The following DLG2 variants were observed in gnomAD, a reference collection of about 807,000 sequenced individuals.
DLG2 encodes disks large homolog 2.
In DLG2, 45 loss-of-function variants were observed where a neutral mutation model predicts 132.5. That is an observed-to-expected ratio of 0.34 (90% CI 0.27 to 0.44). The LOEUF (loss-of-function observed/expected upper bound fraction) is 0.44. Ranked by LOEUF, DLG2 falls within the 20% of genes least tolerant of loss-of-function variation. DLG2 has a pLI of 1.00. For synonymous variants in DLG2, 424 were observed against 419.6 expected (o/e 1.01, Z -0.13); for missense variants, 1,045 against 1,196.9 (o/e 0.87, Z 1.87).
At chr11:83,638,988 A>T (rs1047523824) in intron 18 of DLG2, among the ~76,000 whole-genome samples, 1 of 152,200 alleles carries the variant, frequency 6.6e-6, no homozygotes, top group Non-Finnish European at 1.5e-5. Flanking sequence ...GCGACTCAGA[A>T]TGCAAATCTA....
intron 6 of DLG2, among the ~76,000 whole-genome samples, chr11:84,726,435 G>T (rs1041002880): frequency 8.5e-5 from 13 of 152,186 alleles, no homozygotes; most frequent in African/African-American, 3.1e-4. Flanking sequence ...CCCTGCAAAG[G>T]ACATAAAGTC....
intron 6 of DLG2, among the ~76,000 whole-genome samples, chr11:84,752,564 C>CTTTTTT (rs370347853): frequency 1.8e-4 from 23 of 127,390 alleles, no homozygotes; most frequent in South Asian, 2.4e-4. Context: ...TTTTCTTTTT[C>CTTTTTT]TTTTTTTTTT....
chr11:84,320,567 C>A (rs1265097981), intron 7 of DLG2, among the ~76,000 whole-genome samples: 3 of 152,254 alleles, frequency 2.0e-5, no homozygotes, highest in South Asian at 2.1e-4. Context: ...CATCTAATAA[C>A]CTTTGGCCTA....
intron 7 of DLG2, among the ~76,000 whole-genome samples, chr11:84,518,120 C>G (rs1195068090): frequency 2.2e-5 from 2 of 89,994 alleles, no homozygotes; most frequent in African/African-American, 9.0e-5. Context: ...AATAACATGT[C>G]TAACTTCAGT....
chr11:84,479,734 T>C lies in DLG2; in HGVS notation c.519+54836A>G, dbSNP rs1048307747. 2.0e-5 allele frequency among the ~76,000 whole-genome samples: 3 copies of C among 152,142 alleles called. No individual in the cohort carries two copies. In the East Asian group the frequency reaches 5.8e-4, roughly 29 times the overall value. On this transcript the variant is annotated intron_variant, in intron 7 of 27. Coordinates refer to ENST00000376104, the MANE Select transcript of DLG2 (RefSeq NM_001142699.3). ...AAAAATATATTTTTAATTGATGCCA[T>C]GAAAAATTTAAAATTTACAATTATT...
At chr11:84,267,978 T>C (rs1390732352) in intron 7 of DLG2, among the ~76,000 whole-genome samples, 1 of 152,224 alleles carries the variant, frequency 6.6e-6, no homozygotes, top group Non-Finnish European at 1.5e-5. Flanking sequence ...GATTTACCTG[T>C]ATAATTCCTG....
intron 22 of DLG2, among the ~76,000 whole-genome samples, chr11:83,479,779 T>G (rs1206577913): frequency 6.6e-6 from 1 of 151,822 alleles, no homozygotes; most frequent in Non-Finnish European, 1.5e-5. Context: ...TTAAAAAAAT[T>G]AAGTTCCTTC....
chr11:83,939,177 C>T (rs2082121112), intron 14 of DLG2, among the ~76,000 whole-genome samples: 1 of 152,152 alleles, frequency 6.6e-6, no homozygotes, highest in Non-Finnish European at 1.5e-5. Context: ...GAGTAAACCA[C>T]CTTATTGGTT....
chr11:84,683,116 G>A (rs919731280), intron 6 of DLG2, among the ~76,000 whole-genome samples: 3 of 152,158 alleles, frequency 2.0e-5, no homozygotes, highest in Admixed American at 1.3e-4. Context: ...CAAGAAAAGG[G>A]AAAGGAAGGG....
chr11:84,116,924 C>T (rs946435902), intron 9 of DLG2, among the ~76,000 whole-genome samples: 5 of 152,150 alleles, frequency 3.3e-5, no homozygotes, highest in Admixed American at 1.3e-4. Flanking sequence ...TTATGTTGCA[C>T]TTTGCTTTCC....
chr11:84,650,900 TAA>T (rs1555136195), intron 6 of DLG2, among the ~76,000 whole-genome samples: 1 of 138,520 alleles, frequency 7.2e-6, no homozygotes, highest in African/African-American at 2.9e-5. Context: ...TATATATATA[TAA>T]AATTTTTGTG....
chr11:85,434,956 C>T (rs1019858658), intron 3 of DLG2, among the ~76,000 whole-genome samples: 1 of 152,134 alleles, frequency 6.6e-6, no homozygotes, highest in African/African-American at 2.4e-5. Flanking sequence ...AGCAGCAAAT[C>T]AAAAAGCTTA....
intron 3 of DLG2, among the ~76,000 whole-genome samples, chr11:85,444,684 C>T (rs2091929240): frequency 1.3e-5 from 2 of 152,216 alleles, no homozygotes; most frequent in Admixed American, 6.5e-5. Flanking sequence ...GATCTCTGGT[C>T]TATGTTCATG....
intron 6 of DLG2, among the ~76,000 whole-genome samples, chr11:84,836,687 C>T (rs2079831002): frequency 6.6e-6 from 1 of 151,814 alleles, no homozygotes; most frequent in South Asian, 2.1e-4. Context: ...CACCTTTATA[C>T]AGTGCTGATT....
At chr11:85,022,957 C>CA (rs2060209598) in intron 6 of DLG2, among the ~76,000 whole-genome samples, 1 of 152,002 alleles carries the variant, frequency 6.6e-6, no homozygotes, top group African/African-American at 2.4e-5. Context: ...AGAAGACCTG[C>CA]AAGGATTGAT....
intron 6 of DLG2, among the ~76,000 whole-genome samples, chr11:84,981,925 G>A (rs570155754): frequency 3.2e-4 from 49 of 152,182 alleles, no homozygotes; most frequent in Admixed American, 2.2e-3. Flanking sequence ...CCAATGAAAG[G>A]TTTAGTCCTC....
intron 18 of DLG2, among the ~76,000 whole-genome samples, chr11:83,690,691 G>A (rs1247517486): frequency 6.7e-6 from 1 of 149,638 alleles, no homozygotes; most frequent in Non-Finnish European, 1.5e-5. Flanking sequence ...TGGGGGTGGG[G>A]GGGGTGTCTG....
intron 21 of DLG2, among the ~76,000 whole-genome samples, chr11:83,494,132 G>C (rs2094019681): frequency 2.6e-5 from 4 of 151,882 alleles, no homozygotes; most frequent in Admixed American, 2.6e-4. Flanking sequence ...GTGGATTAAA[G>C]ACCTGTCACA....
chr11:84,938,608 T>A (rs927268366), intron 6 of DLG2, among the ~76,000 whole-genome samples: 5 of 152,172 alleles, frequency 3.3e-5, no homozygotes, highest in Non-Finnish European at 4.4e-5. Context: ...TAATTAGACT[T>A]CAGAACCAGA....
Sources: allele counts gnomAD v4.1 joint callset (sites outside exome capture counted in the v4.1 genomes callset), GRCh38; gene constraint gnomAD v4.1.1; transcripts MANE v1.5; gene names NCBI Gene and HGNC (gene_info 2026-07-23, HGNC 2026-07-21).